The following PTPRG variants were observed in gnomAD, a reference collection of about 807,000 sequenced individuals.
The protein encoded by PTPRG is receptor-type tyrosine-protein phosphatase gamma.
A neutral mutation model predicts 165.3 loss-of-function variants in PTPRG; 102 were observed. The ratio of observed to expected loss-of-function variants is 0.62; its 90% CI spans 0.53 to 0.73. PTPRG has a LOEUF of 0.73. Among genes scored for constraint, PTPRG ranks in the 30% least tolerant of loss-of-function variants. The probability of loss-of-function intolerance (pLI) is 0.00; values close to 1 mark genes in which losing one functional copy is unlikely to be tolerated. For missense variants in PTPRG, 1,866 were observed against 1,861.4 expected (o/e 1.00, Z -0.05); for synonymous variants, 675 against 669.5 (o/e 1.01, Z -0.13).
chr3:62,021,460 C>T (rs1044608510), intron 4 of PTPRG, among the ~76,000 whole-genome samples: 2 of 152,134 alleles, frequency 1.3e-5, no homozygotes, highest in African/African-American at 4.8e-5. Context: ...AAGCTAATAA[C>T]TTGTTTGAAA....
At chr3:62,199,408 T>C (rs1700044791) in intron 10 of PTPRG, among the ~76,000 whole-genome samples, 4 of 151,980 alleles carry the variant, frequency 2.6e-5, no homozygotes, top group Admixed American at 2.6e-4. Context: ...CAGTGGGAAA[T>C]TGGAGACCAT....
intron 4 of PTPRG, among the ~76,000 whole-genome samples, chr3:62,065,917 C>T (rs1159719335): frequency 6.6e-6 from 1 of 152,194 alleles, no homozygotes; most frequent in Non-Finnish European, 1.5e-5. Context: ...ATTTATAGAA[C>T]TCAGAAGCGT....
At chr3:61,936,841 T>C (rs1262210935) in intron 2 of PTPRG, among the ~76,000 whole-genome samples, 1 of 152,220 alleles carries the variant, frequency 6.6e-6, no homozygotes, top group African/African-American at 2.4e-5. Flanking sequence ...GATTTTACTT[T>C]ATCAAAAGCA....
chr3:61,846,456 C>A (rs1470575463), intron 2 of PTPRG, among the ~76,000 whole-genome samples: 4 of 152,106 alleles, frequency 2.6e-5, no homozygotes, highest in Non-Finnish European at 4.4e-5. Flanking sequence ...ATCTGGATTC[C>A]CTTCCTGACT....
At chr3:62,062,473 G>T (rs1476702272) in intron 4 of PTPRG, among the ~76,000 whole-genome samples, 1 of 151,996 alleles carries the variant, frequency 6.6e-6, no homozygotes, top group Non-Finnish European at 1.5e-5. Flanking sequence ...AAATGTTGGG[G>T]GGAAAGCATA....
chr3:62,032,506 AAACAACTG>A (rs1699801974), intron 4 of PTPRG, among the ~76,000 whole-genome samples: 1 of 152,124 alleles, frequency 6.6e-6, no homozygotes, highest in Non-Finnish European at 1.5e-5. Context: ...GGAAGAGACA[AAACAACTG>A]GATTTTGTTG....
At chr3:61,687,334 C>T (rs1575590008) in intron 1 of PTPRG, among the ~76,000 whole-genome samples, 1 of 152,190 alleles carries the variant, frequency 6.6e-6, no homozygotes, top group Non-Finnish European at 1.5e-5. Context: ...CAGTGGAGAG[C>T]ATGTGTGCTG....
intron 4 of PTPRG, 22 bp from the exon 5 acceptor site, chr3:62,078,141 A>AT: frequency 4.0e-6 from 6 of 1,511,066 alleles, no homozygotes; most frequent in Middle Eastern, 1.7e-4. Context: ...TTCCTAATAC[A>AT]TTTTTTTAAT....
At chr3:61,854,961 T>C (rs942995584) in intron 2 of PTPRG, among the ~76,000 whole-genome samples, 1 of 152,222 alleles carries the variant, frequency 6.6e-6, no homozygotes, top group African/African-American at 2.4e-5. Context: ...TTTGCATTAA[T>C]TTTTCTAGTA....
intron 2 of PTPRG, among the ~76,000 whole-genome samples, chr3:61,900,340 T>C (rs1170249049): frequency 6.6e-6 from 1 of 152,194 alleles, no homozygotes; most frequent in Non-Finnish European, 1.5e-5. Context: ...AATAAATGAC[T>C]TCTACCATTG....
In PTPRG at chr3:62,214,880, G is replaced by A. The variant is rs1331352591; in HGVS notation, c.2156-3971G>A. ...GATTTGAACCTATAATCTCTGCTCTGCCCTTAAGAGATAGTACAAACTGGC... is the reference window on the plus strand; with the variant it reads ...GATTTGAACCTATAATCTCTGCTCTACCCTTAAGAGATAGTACAAACTGGC... On this transcript the variant is annotated intron_variant, in intron 12 of 29. Coordinates refer to ENST00000474889, the MANE Select transcript of PTPRG (RefSeq NM_002841.4). The surrounding 1 kb of genome is among the most constrained non-coding windows in gnomAD (Gnocchi z 5.2). Among the ~76,000 whole-genome samples, 1 of 152,208 alleles carries A rather than the reference G, an allele frequency of 6.6e-6. No individual in the cohort carries two copies. Among genetic ancestry groups the A allele is most frequent in the Non-Finnish European group, 1.5e-5 (1 of 68,040 alleles).
chr3:62,026,980 G>A (rs1288205185), intron 4 of PTPRG, among the ~76,000 whole-genome samples: 1 of 151,678 alleles, frequency 6.6e-6, no homozygotes, highest in African/African-American at 2.4e-5. Flanking sequence ...AGACATATGG[G>A]CAAATGAATA....
chr3:61,591,702 A>T (rs961858555), intron 1 of PTPRG, among the ~76,000 whole-genome samples: 26 of 152,168 alleles, frequency 1.7e-4, no homozygotes, highest in African/African-American at 6.3e-4. Flanking sequence ...TGGAAGCATG[A>T]TATGCTCTGG....
chr3:62,004,746 A>G (rs1254430573), intron 4 of PTPRG, among the ~76,000 whole-genome samples: 3 of 152,208 alleles, frequency 2.0e-5, no homozygotes, highest in Non-Finnish European at 4.4e-5. Context: ...GTATTCAAAC[A>G]TGGAGTGACT....
intron 2 of PTPRG, among the ~76,000 whole-genome samples, chr3:61,797,740 T>C (rs2035096931): frequency 6.6e-6 from 1 of 152,122 alleles, no homozygotes; most frequent in Non-Finnish European, 1.5e-5. Flanking sequence ...TGAGTTTGTA[T>C]GCTGGTGTTA....
rs13327734 is a variant in PTPRG at position 62,190,268 on chromosome 3, A to T, written c.1034-1201A>T. On this transcript the variant is annotated intron_variant, in intron 8 of 29. Transcript: ENST00000474889. The surrounding 1 kb of genome is among the most constrained non-coding windows in gnomAD (Gnocchi z 5.2). ...GCAGATGGAGGCCAGGGATGCTGCT[A>T]TACAGTACACAGGACAGTCCCCAAG... is the stretch of plus-strand genomic sequence containing the variant. Among the ~76,000 whole-genome samples the T allele has an allele frequency of 6.6e-6, 1 of 152,162 alleles. No individual in the cohort carries two copies. The highest frequency in any genetic ancestry group is 1.5e-5 in the Non-Finnish European group (1 of 68,038).
intron 4 of PTPRG, among the ~76,000 whole-genome samples, chr3:62,041,042 A>G (rs965389805): frequency 9.2e-5 from 14 of 152,194 alleles, no homozygotes; most frequent in Non-Finnish European, 1.8e-4. Context: ...TCAAGACTTC[A>G]CCATTCAGTG....
intron 1 of PTPRG, chr3:61,743,091 A>C (rs1575625829): frequency 1.3e-6 from 2 of 1,560,804 alleles, no homozygotes; most frequent in Non-Finnish European, 1.8e-6. Context: ...GGGTGTTGCG[A>C]GAGACTGCTG....
intron 1 of PTPRG, among the ~76,000 whole-genome samples, chr3:61,690,490 T>C (rs1274099592): frequency 1.3e-5 from 2 of 152,180 alleles, no homozygotes; most frequent in African/African-American, 2.4e-5. Flanking sequence ...ACATGCAAAG[T>C]GGAGGAATTA....
Sources: gnomAD v4.1 joint callset for allele counts (sites outside exome capture counted in the v4.1 genomes callset) on GRCh38, gnomAD v4.1.1 for gene constraint, Gnocchi (gnomAD v3.1) non-coding constraint, MANE v1.5 for transcripts, NCBI Gene and HGNC (gene_info 2026-07-23, HGNC 2026-07-21) for gene names.